Variants in CHRNA5 observed in about 807,000 individuals in gnomAD.
The protein encoded by CHRNA5 is cholinergic receptor nicotinic alpha 5 subunit.
A neutral mutation model predicts 41.2 loss-of-function variants in CHRNA5; 28 were observed. The ratio of observed to expected loss-of-function variants is 0.68; its 90% CI spans 0.50 to 0.93. The LOEUF (loss-of-function observed/expected upper bound fraction) is 0.93, where lower values mean the gene tolerates loss of function less well. Ranked by LOEUF, CHRNA5 falls within the 40% of genes least tolerant of loss-of-function variation. The probability of loss-of-function intolerance (pLI) is 0.00; values close to 1 mark genes in which losing one functional copy is unlikely to be tolerated. For synonymous variants in CHRNA5, 188 were observed against 205.8 expected (o/e 0.91, Z 0.74); for missense variants, 481 against 581.9 (o/e 0.83, Z 1.78).
At chr15:78,565,784 G>C in exon 1 of CHRNA5, 1 of 1,221,944 alleles carries the variant, frequency 8.2e-7, no homozygotes, top group Non-Finnish European at 1.0e-6. Context: ...CTGGTCGCGG[G>C]GCGCTGCGGT....
intron 1 of CHRNA5, among the ~76,000 whole-genome samples, chr15:78,566,990 C>G (rs1430107687): frequency 6.6e-6 from 1 of 152,138 alleles, no homozygotes; most frequent in Admixed American, 6.5e-5. Context: ...CGGTGGCTCA[C>G]GCCTGTAATC....
At chr15:78,592,839 T>A (rs1281494528) in intron 5 of CHRNA5, among the ~76,000 whole-genome samples, 3 of 152,214 alleles carry the variant, frequency 2.0e-5, no homozygotes, top group Admixed American at 2.0e-4. Flanking sequence ...ATTTTTAATC[T>A]ATCAAAATAA....
chr15:78,590,303 A>G (rs200414546), exon 5 of CHRNA5: 22 of 1,613,972 alleles, frequency 1.4e-5, no homozygotes, highest in Middle Eastern at 3.3e-4. Context: ...AGATCATACC[A>G]TCATCTTCAA....
intron 1 of CHRNA5, among the ~76,000 whole-genome samples, chr15:78,576,390 T>C (rs2052856919): frequency 6.6e-6 from 1 of 152,056 alleles, no homozygotes; most frequent in South Asian, 2.1e-4. Flanking sequence ...AAGTGATCCA[T>C]TTGCCTCGGC....
intron 1 of CHRNA5, among the ~76,000 whole-genome samples, chr15:78,571,479 T>C (rs1213220359): frequency 6.6e-6 from 1 of 152,074 alleles, no homozygotes; most frequent in East Asian, 1.9e-4. Flanking sequence ...ATATTGTAAA[T>C]ATACTAGCTC....
At chr15:78,578,838 C>T (rs754137963) in intron 1 of CHRNA5, among the ~76,000 whole-genome samples, 38 of 152,032 alleles carry the variant, frequency 2.5e-4, no homozygotes, top group Non-Finnish European at 5.0e-4. Context: ...GTGGTTTTTT[C>T]GTAATATCAT....
At chr15:78,586,990 C>T (rs2052966728) in intron 3 of CHRNA5, among the ~76,000 whole-genome samples, 1 of 152,188 alleles carries the variant, frequency 6.6e-6, no homozygotes, top group East Asian at 1.9e-4. Context: ...GCTATAAGGA[C>T]ATACCCAAGG....
intron 2 of CHRNA5, among the ~76,000 whole-genome samples, chr15:78,582,944 A>C (rs1359388526): frequency 6.6e-6 from 1 of 152,134 alleles, no homozygotes; most frequent in Non-Finnish European, 1.5e-5. Flanking sequence ...GGCACTAGCC[A>C]TTTATTATTC....
chr15:78,589,762 T>C (rs56134824), intron 4 of CHRNA5, 43 bp from the exon 5 acceptor site: 77 of 1,388,114 alleles, frequency 5.5e-5, no homozygotes, highest in Non-Finnish European at 7.1e-5. Flanking sequence ...TTCATGTGCA[T>C]TGTTTAATTT....
chr15:78,580,173 G>A (rs898677294), intron 1 of CHRNA5, among the ~76,000 whole-genome samples: 5 of 150,984 alleles, frequency 3.3e-5, no homozygotes, highest in African/African-American at 7.3e-5. Flanking sequence ...TCAGCTACTC[G>A]GGAGGCTGAG....
At chr15:78,567,108 C>T (rs1009947836) in intron 1 of CHRNA5, among the ~76,000 whole-genome samples, 1 of 152,028 alleles carries the variant, frequency 6.6e-6, no homozygotes. Context: ...AAAAAATTAG[C>T]CGGGCGTGGT....
At chr15:78,594,174 C>A (rs2053060593) in exon 6 of CHRNA5, 1 of 152,220 alleles carries the variant, frequency 6.6e-6, no homozygotes, top group African/African-American at 2.4e-5. Context: ...ATTGTGTTAA[C>A]TATTTCTGTA....
chr15:78,585,611 T>A (rs2052951969), intron 2 of CHRNA5, among the ~76,000 whole-genome samples: 1 of 152,138 alleles, frequency 6.6e-6, no homozygotes, highest in South Asian at 2.1e-4. Flanking sequence ...AAGTATTACT[T>A]TAATTACACC....
intron 1 of CHRNA5, among the ~76,000 whole-genome samples, chr15:78,566,999 T>A (rs2052755804): frequency 6.6e-6 from 1 of 152,122 alleles, no homozygotes; most frequent in Non-Finnish European, 1.5e-5. Flanking sequence ...ACGCCTGTAA[T>A]CCCAGCACTT....
exon 6 of CHRNA5, chr15:78,595,265 C>T (rs71528569): frequency 8.1e-6 from 8 of 983,304 alleles, no homozygotes; most frequent in African/African-American, 1.7e-5. Flanking sequence ...AAATTTTTAT[C>T]GACATCTTTC....
At chr15:78,581,799 T>C (rs1173053397) in intron 2 of CHRNA5, among the ~76,000 whole-genome samples, 1 of 152,214 alleles carries the variant, frequency 6.6e-6, no homozygotes, top group Non-Finnish European at 1.5e-5. Context: ...GTTACAAAAT[T>C]GGAATAATAT....
chr15:78,570,842 C>T (rs1567051216), intron 1 of CHRNA5, among the ~76,000 whole-genome samples: 1 of 152,080 alleles, frequency 6.6e-6, no homozygotes, highest in African/African-American at 2.4e-5. Context: ...TCTTTGTTGT[C>T]AGAGGGGGGC....
chr15:78,570,168 A>G (rs2052788646), intron 1 of CHRNA5, among the ~76,000 whole-genome samples: 1 of 152,158 alleles, frequency 6.6e-6, no homozygotes, highest in Non-Finnish European at 1.5e-5. Flanking sequence ...ATTATTTAAA[A>G]TCATCCTTTT....
chr15:78,581,082 G>A (rs1466526876), intron 2 of CHRNA5, 120 bp downstream of exon 2: 1 of 931,086 alleles, frequency 1.1e-6, no homozygotes, highest in Non-Finnish European at 1.6e-6. Flanking sequence ...TCCTTTGCCT[G>A]AAGGAACTCA....
Sources: allele counts gnomAD v4.1 joint callset (sites outside exome capture counted in the v4.1 genomes callset), GRCh38; gene constraint gnomAD v4.1.1; transcripts MANE v1.5; gene names NCBI Gene and HGNC (gene_info 2026-07-23, HGNC 2026-07-21).